SPAG16: variants seen among roughly 807,000 people sequenced by gnomAD.
SPAG16 encodes the protein sperm-associated antigen 16 protein.
A neutral mutation model predicts 80.4 loss-of-function variants in SPAG16; 86 were observed. The ratio of observed to expected loss-of-function variants is 1.07; its 90% CI spans 0.90 to 1.28. The LOEUF (loss-of-function observed/expected upper bound fraction) is 1.28, where lower values mean the gene tolerates loss of function less well. Among genes scored for constraint, SPAG16 ranks in the 50% most tolerant of loss-of-function variants. The probability of loss-of-function intolerance (pLI) is 0.00; values close to 1 mark genes in which losing one functional copy is unlikely to be tolerated. For synonymous variants in SPAG16, 294 were observed against 265.9 expected, an observed-to-expected ratio of 1.11 and a Z score of -1.03; for missense variants, 870 against 765.3, an observed-to-expected ratio of 1.14 and a Z score of -1.61.
At chr2:214,366,125 T>G (rs192196632) in intron 15 of SPAG16, among the ~76,000 whole-genome samples, 15 of 152,142 alleles carry the variant, frequency 9.9e-5, no homozygotes, top group Non-Finnish European at 1.5e-5. Context: ...ACTACAGGTA[T>G]GCATCACCAC....
intron 15 of SPAG16, among the ~76,000 whole-genome samples, chr2:214,274,749 T>G (rs938834490): frequency 1.3e-5 from 2 of 152,222 alleles, no homozygotes; most frequent in East Asian, 3.8e-4. Flanking sequence ...GATATTGGTC[T>G]AAAATTCTCT....
Position 213,387,406 on chromosome 2 carries a change from T to C in SPAG16, c.942+12287T>C, listed in dbSNP as rs574823890. 1.0e-4 allele frequency among the ~76,000 whole-genome samples: 15 copies of C among 148,890 alleles called. No homozygotes were observed. The East Asian group carries it at 2.9e-3, about 29-fold the overall frequency. The stretch of plus-strand genomic sequence containing the variant: ...TTTTTTGCCCAAATTCTTAGTCTTT[T>C]TTGGGTTGGAATGAAATGCATGCTC... On this transcript the variant is annotated intron_variant, in intron 9 of 15. Transcript: ENST00000331683.
intron 13 of SPAG16, among the ~76,000 whole-genome samples, chr2:214,094,064 T>C (rs2052413442): frequency 6.6e-6 from 1 of 152,062 alleles, no homozygotes; most frequent in South Asian, 2.1e-4. Flanking sequence ...CAGTAGTGTG[T>C]CAGAGTTGGT....
rs536472496 is a variant in SPAG16 at position 213,310,633 on chromosome 2, C to A, written c.398+456C>A. ...GGCTTGTCTTTTTCTACTCACATAG[C>A]TGATTAATTATATTTCTATGAATAT... On this transcript the variant is annotated intron_variant, in intron 4 of 15. Coordinates refer to ENST00000331683, the MANE Select transcript of SPAG16 (RefSeq NM_024532.5). Among the ~76,000 whole-genome samples the A allele has an allele frequency of 7.9e-5, 12 of 151,706 alleles. No individual in the cohort carries two copies. In the South Asian group the frequency reaches 2.5e-3, roughly 32 times the overall value.
At chr2:214,284,519 A>G (rs894015376) in intron 15 of SPAG16, among the ~76,000 whole-genome samples, 2 of 152,202 alleles carry the variant, frequency 1.3e-5, no homozygotes, top group African/African-American at 4.8e-5. Flanking sequence ...CCACGCACCT[A>G]TCAAAGAACT....
At chr2:214,053,545 C>A (rs1373732896) in intron 13 of SPAG16, among the ~76,000 whole-genome samples, 1 of 152,064 alleles carries the variant, frequency 6.6e-6, no homozygotes, top group East Asian at 1.9e-4. Context: ...AAACCTTTCC[C>A]CAGAAAAACC....
In SPAG16 at chr2:214,373,868, C is replaced by T. The variant is rs1469860364; in HGVS notation, c.1721-36272C>T. Among the ~76,000 whole-genome samples the T allele has an allele frequency of 2.6e-5, 4 of 152,276 alleles. No homozygotes were observed. In the East Asian group the frequency reaches 5.8e-4, roughly 22 times the overall value. On this transcript the variant is annotated intron_variant, in intron 15 of 15. Coordinates refer to ENST00000331683, the MANE Select transcript of SPAG16 (RefSeq NM_024532.5). Reference sequence around the variant, plus strand: ...TATATTTGAAAGAATGTGAATGATTCCTTCAACTAAAGATCATTTAGCAAC... The same window carrying T: ...TATATTTGAAAGAATGTGAATGATTTCTTCAACTAAAGATCATTTAGCAAC...
intron 15 of SPAG16, among the ~76,000 whole-genome samples, chr2:214,403,799 A>G (rs975916092): frequency 6.6e-6 from 1 of 152,206 alleles, no homozygotes; most frequent in Non-Finnish European, 1.5e-5. Flanking sequence ...GTTCCTGAGT[A>G]ATCACGAAGT....
chr2:214,233,807 A>T (rs1468744162), intron 15 of SPAG16, among the ~76,000 whole-genome samples: 1 of 152,178 alleles, frequency 6.6e-6, no homozygotes, highest in African/African-American at 2.4e-5. Context: ...AAAAATTATG[A>T]GGTATAATTA....
chr2:214,249,777 T>C (rs989384285), intron 15 of SPAG16, among the ~76,000 whole-genome samples: 4 of 152,158 alleles, frequency 2.6e-5, no homozygotes, highest in Non-Finnish European at 5.9e-5. Flanking sequence ...AAATTATAAA[T>C]ATTGCTGATT....
chr2:214,127,161 C>T (rs977064396), intron 14 of SPAG16, among the ~76,000 whole-genome samples: 1 of 151,652 alleles, frequency 6.6e-6, no homozygotes, highest in African/African-American at 2.4e-5. Flanking sequence ...ATTGTCAATC[C>T]CTGCCCTCTG....
At chr2:213,363,127 T>A (rs562800414) in intron 7 of SPAG16, among the ~76,000 whole-genome samples, 1 of 152,230 alleles carries the variant, frequency 6.6e-6, no homozygotes, top group East Asian at 1.9e-4. Flanking sequence ...TAATAATATA[T>A]CAATATTGGT....
At chr2:213,491,649 T>A (rs2125733917) in intron 10 of SPAG16, among the ~76,000 whole-genome samples, 1 of 152,282 alleles carries the variant, frequency 6.6e-6, no homozygotes, top group African/African-American at 2.4e-5. Context: ...TTTGTGGAGA[T>A]AATGGAACGT....
chr2:213,366,371 A>G (rs953176833), intron 8 of SPAG16, among the ~76,000 whole-genome samples: 3 of 152,222 alleles, frequency 2.0e-5, no homozygotes, highest in African/African-American at 7.2e-5. Flanking sequence ...ATGTGTTGAA[A>G]TTGTTGAAAA....
chr2:214,299,018 T>C (rs1263898916), intron 15 of SPAG16, among the ~76,000 whole-genome samples: 2 of 152,162 alleles, frequency 1.3e-5, no homozygotes, highest in Non-Finnish European at 2.9e-5. Context: ...TTATAAGCCC[T>C]ATTAACAGAA....
At chr2:214,032,355 G>A (rs946083481) in intron 13 of SPAG16, among the ~76,000 whole-genome samples, 1 of 152,198 alleles carries the variant, frequency 6.6e-6, no homozygotes, top group Non-Finnish European at 1.5e-5. Flanking sequence ...GAAACAAAGG[G>A]TCTTGAGCTG....
At chr2:213,969,655 T>C (rs2106375706) in intron 12 of SPAG16, among the ~76,000 whole-genome samples, 1 of 152,286 alleles carries the variant, frequency 6.6e-6, no homozygotes, top group East Asian at 1.9e-4. Context: ...TGATCTTGGA[T>C]TTCACAAACT....
intron 14 of SPAG16, among the ~76,000 whole-genome samples, chr2:214,138,808 T>C (rs1374419629): frequency 1.3e-5 from 2 of 152,074 alleles, no homozygotes; most frequent in Non-Finnish European, 1.5e-5. Flanking sequence ...TACAGGGAGG[T>C]AATCTTATTG....
chr2:214,218,620 T>A (rs1314762748), intron 15 of SPAG16, among the ~76,000 whole-genome samples: 2 of 152,114 alleles, frequency 1.3e-5, no homozygotes, highest in African/African-American at 2.4e-5. Context: ...ATTGTGCAGG[T>A]TTTACTATAC....
Sources: gnomAD v4.1 joint callset for allele counts (sites outside exome capture counted in the v4.1 genomes callset) on GRCh38, gnomAD v4.1.1 for gene constraint, MANE v1.5 for transcripts, NCBI Gene and HGNC (gene_info 2026-07-23, HGNC 2026-07-21) for gene names.